Variants in KPNA2 observed in about 807,000 individuals in gnomAD.
The protein encoded by KPNA2 is karyopherin subunit alpha 2.
A neutral mutation model predicts 53.7 loss-of-function variants in KPNA2; 20 were observed. The ratio of observed to expected loss-of-function variants is 0.37; its 90% confidence interval spans 0.26 to 0.54. KPNA2 has a LOEUF of 0.54. Ranked by LOEUF, KPNA2 falls within the 20% of genes least tolerant of loss-of-function variation. The pLI is 0.83. For synonymous variants in KPNA2, 238 were observed against 227.5 expected (o/e 1.05, Z -0.42); for missense variants, 515 against 640.3 (o/e 0.80, Z 2.11).
In KPNA2 at chr17:68,043,822, A is replaced by ATTTTTTTTTT; in HGVS notation, c.931-13_931-4dup. ...GGGAAAAAATAACCAGCATCAACAT[A>ATTTTTTTTTT]TTTTTTTTTTTTCAGACTCCTGCCC... On this transcript the variant is annotated splice_polypyrimidine_tract_variant and intron_variant, in intron 7 of 10. Transcript: ENST00000330459. 1 of 1,184,926 alleles carries ATTTTTTTTTT rather than the reference A, an allele frequency of 8.4e-7. No homozygotes were observed. Among genetic ancestry groups the ATTTTTTTTTT allele is most frequent in the Non-Finnish European group, 1.2e-6 (1 of 838,074 alleles). The allele number at this position is 1,184,926 out of a possible 1,614,324, so 73.4% of individuals were successfully genotyped here. A position where few individuals can be genotyped will look rare whatever the true frequency, so the allele number is the denominator to read the frequency against.
rs782492558 is a variant in KPNA2, at chr17:68,045,888, G to A, written c.1464G>A (p.Ser488=). The change falls in exon 10 of 11, where the codon TCG becomes TCA. Residue 488 remains serine, a synonymous_variant. Transcript: ENST00000330459. ...NHENESVYKA[S]LSLIEKYFSV... is the part of the protein sequence containing the mutation. ...AAAATGAGTCTGTGTATAAGGCTTC[G>A]TTAAGCTTAATTGAGAAGTATTTCT... The A allele has an allele frequency of 1.8e-5, 28 of 1,595,178 alleles. No homozygotes were observed. Among genetic ancestry groups the A allele is most frequent in the African/African-American group, 2.7e-5 (2 of 74,318 alleles).
In KPNA2 at chr17:68,037,144, C is replaced by T. The variant is rs144559457; in HGVS notation, c.12C>T (p.Asn4=). 2.3e-4 allele frequency: 375 copies of T among 1,612,730 alleles called. No homozygotes were observed. Among genetic ancestry groups the T allele is most frequent in the Non-Finnish European group, 3.0e-4 (348 of 1,179,262 alleles). ...TTTGTCTCATAACCATGTCCACCAA[C>T]GAGAATGCTAATACACCAGCTGCCC... MST[N]ENANTPAARL... is the part of the protein sequence containing the mutation. The change falls in exon 2 of 11, where the codon AAC becomes AAT. Residue 4 remains asparagine, a synonymous_variant. Transcript: ENST00000330459.
chr17:68,040,325 G>C (rs2071244372), intron 3 of KPNA2, among the ~76,000 whole-genome samples: 1 of 146,394 alleles, frequency 6.8e-6, no homozygotes, highest in Admixed American at 7.0e-5. Flanking sequence ...TCTCACCTGA[G>C]CTCAAGCCAT....
chr17:68,039,985 C>G (rs2071236281), intron 3 of KPNA2, among the ~76,000 whole-genome samples: 1 of 151,394 alleles, frequency 6.6e-6, no homozygotes, highest in South Asian at 2.1e-4. Context: ...GAGGCTGAGG[C>G]AGGAGAATCG....
At chr17:68,040,608 A>G in intron 3 of KPNA2, 70 bp from the exon 4 acceptor site, 1 of 1,031,426 alleles carries the variant, frequency 9.7e-7, no homozygotes, top group Non-Finnish European at 1.5e-6. Flanking sequence ...TTGCCTTCAC[A>G]AGTAAGTGTG....
intron 5 of KPNA2, 57 bp from the exon 6 acceptor site, chr17:68,042,848 A>G: frequency 7.4e-7 from 1 of 1,345,444 alleles, no homozygotes; most frequent in Non-Finnish European, 1.0e-6. Context: ...TGGGCGACAG[A>G]GAGAAACTCC....
intron 4 of KPNA2, 37 bp downstream of exon 4, chr17:68,040,803 A>T: frequency 3.5e-6 from 5 of 1,426,430 alleles, no homozygotes. Flanking sequence ...TAGCCTAAGA[A>T]ATTTGTGTTT....
At chr17:68,041,509 A>C (rs2071259685) in intron 4 of KPNA2, among the ~76,000 whole-genome samples, 1 of 152,184 alleles carries the variant, frequency 6.6e-6, no homozygotes, top group Non-Finnish European at 1.5e-5. Context: ...CAGTGAGCTG[A>C]GATCTTGCCA....
intron 6 of KPNA2, 44 bp downstream of exon 6, chr17:68,043,043 A>G (rs782764729): frequency 3.7e-6 from 6 of 1,612,260 alleles, no homozygotes; most frequent in Middle Eastern, 1.7e-4. Flanking sequence ...CTTCATTCTA[A>G]TTTCCCCCAT....
In KPNA2 at chr17:68,044,076, C is replaced by CG; in HGVS notation, c.1164+6dup. On this transcript the variant is annotated splice_donor_region_variant and intron_variant, in intron 8 of 10. Coordinates refer to ENST00000330459, the MANE Select transcript of KPNA2 (RefSeq NM_002266.4). ...CTTGTCAGTGTTCTCTCTAAGGTAA[C>CG]GAAGTCTTAGGATTTAATCAAGTCA... 6.3e-7 allele frequency: 1 copy of CG among 1,596,960 alleles called. No individual in the cohort carries two copies.
intron 4 of KPNA2, 64 bp downstream of exon 4, chr17:68,040,830 GGGGT>G: frequency 9.7e-7 from 1 of 1,027,950 alleles, no homozygotes; most frequent in Non-Finnish European, 1.5e-6. Flanking sequence ...TTTTTTTTGG[GGGGT>G]GGGGCAGGAA....
chr17:68,038,167 G>T (rs1256444973), intron 3 of KPNA2, among the ~76,000 whole-genome samples: 1 of 152,176 alleles, frequency 6.6e-6, no homozygotes, highest in Non-Finnish European at 1.5e-5. Flanking sequence ...AGTAGAGACG[G>T]TGTTTCAACA....
chr17:68,043,743 G>A (rs1227676967), intron 7 of KPNA2, 95 bp from the exon 8 acceptor site: 1 of 760,656 alleles, frequency 1.3e-6, no homozygotes, highest in Non-Finnish European at 2.3e-6. Flanking sequence ...CCTATTTCAG[G>A]CCATGATGGG....
At chr17:68,038,208 C>T (rs1312554086) in intron 3 of KPNA2, among the ~76,000 whole-genome samples, 1 of 152,200 alleles carries the variant, frequency 6.6e-6, no homozygotes, top group Non-Finnish European at 1.5e-5. Context: ...ATCTCCTGAC[C>T]TCGTGATCCA....
At position 68,037,224 on chromosome 17, in the gene KPNA2, G is replaced by A; in HGVS notation, c.75+17G>A. On this transcript the variant is annotated intron_variant, in intron 2 of 10. Transcript: ENST00000330459. ...GACAGTACAGTGAGTACCTTCTGTT[G>A]CTTTCCTGTGGTGGTATTTAAATGG... 6.2e-7 allele frequency: 1 copy of A among 1,603,056 alleles called. No individual in the cohort carries two copies. The highest frequency in any genetic ancestry group is 8.5e-7 in the Non-Finnish European group (1 of 1,173,712).
chr17:68,041,101 G>C (rs569300143), intron 4 of KPNA2, among the ~76,000 whole-genome samples: 15 of 152,314 alleles, frequency 9.8e-5, no homozygotes, highest in African/African-American at 3.6e-4. Context: ...GAAATAAATA[G>C]TAAGTGGGAT....
At position 68,043,085 on chromosome 17, in the gene KPNA2, T is replaced by C. The variant is rs782368168; in HGVS notation, c.667-15T>C. On this transcript the variant is annotated splice_polypyrimidine_tract_variant and intron_variant, in intron 6 of 10. Coordinates refer to ENST00000330459, the MANE Select transcript of KPNA2 (RefSeq NM_002266.4). ...AAAAGACAGAACCTCTCATTGCCTA[T>C]TTTTTTTCCCCCAGTGTGGCTACTT... is the stretch of plus-strand genomic sequence containing the variant. The C allele has an allele frequency of 5.0e-6, 8 of 1,609,028 alleles. No individual in the cohort carries two copies. Among genetic ancestry groups the C allele is most frequent in the South Asian group, 1.1e-5 (1 of 90,880 alleles).
chr17:68,039,626 C>A (rs536846978), intron 3 of KPNA2, among the ~76,000 whole-genome samples: 11 of 149,882 alleles, frequency 7.3e-5, no homozygotes, highest in African/African-American at 2.7e-4. Context: ...ACTAAAAATA[C>A]AAAATTAGCT....
chr17:68,045,769 TA>T lies in KPNA2; in HGVS notation c.1348-2del, dbSNP rs1324463228. On this transcript the variant is annotated splice_acceptor_variant, in intron 9 of 10. Transcript: ENST00000330459. LOFTEE classifies it high-confidence loss of function. ...AGTAAACTTGGATTTTTTTTTTTTTTAGGCTGCTGAGAAACTAGGTGAAACT... is the reference window on the plus strand; with the variant it reads ...AGTAAACTTGGATTTTTTTTTTTTTTGGCTGCTGAGAAACTAGGTGAAACT... The T allele has an allele frequency of 6.6e-7, 1 of 1,520,346 alleles. No individual in the cohort carries two copies. The highest frequency in any genetic ancestry group is 8.8e-7 in the Non-Finnish European group (1 of 1,133,866). The allele number at this position is 1,520,346 out of a possible 1,614,324, so 94.2% of individuals were successfully genotyped here. A position where few individuals can be genotyped will look rare whatever the true frequency, so the allele number is the denominator to read the frequency against.
Sources: allele counts gnomAD v4.1 joint callset (sites outside exome capture counted in the v4.1 genomes callset), GRCh38; gene constraint gnomAD v4.1.1; transcripts MANE v1.5; gene names NCBI Gene and HGNC (gene_info 2026-07-23, HGNC 2026-07-21).